Variants in STAT1 observed in about 807,000 individuals in gnomAD.
The protein encoded by STAT1 is signal transducer and activator of transcription 1, also known as signal transducer and activator of transcription 1-alpha/beta.
Under a neutral mutation model 111.7 loss-of-function variants are expected in STAT1, and 24 were observed. The ratio of observed to expected loss-of-function variants is 0.21; its 90% CI spans 0.16 to 0.30. The LOEUF is 0.30. STAT1 is among the 10% of genes least tolerant of loss of function. STAT1 has a pLI of 1.00. For synonymous variants in STAT1, 332 were observed against 326.5 expected, an observed-to-expected ratio of 1.02 and a Z score of -0.18; for missense variants, 351 against 911.9, an observed-to-expected ratio of 0.38 and a Z score of 7.92.
intron 4 of STAT1, chr2:191,008,132 T>C (rs1245572143): frequency 7.8e-6 from 3 of 385,548 alleles, no homozygotes; most frequent in Admixed American, 6.4e-5. Context: ...ATAGCAATAA[T>C]GGCTCTTTAT....
At position 190,986,756 on chromosome 2, in the gene STAT1, G is replaced by T. The variant is rs1435484336; in HGVS notation, c.1221+98C>A. Reference sequence around the variant, plus strand: ...ACAAAGTCTACAAACCCCAGCAGGGGGGCGTCCTCCACATGGCAATGTGCC... The same window carrying T: ...ACAAAGTCTACAAACCCCAGCAGGGTGGCGTCCTCCACATGGCAATGTGCC... On this transcript the variant is annotated intron_variant, in intron 14 of 24. Coordinates refer to ENST00000361099, the MANE Select transcript of STAT1 (RefSeq NM_007315.4). This position sits in a 1 kb window ranked among gnomAD's most constrained non-coding sequence, Gnocchi z 5.0. 5 of 1,174,528 alleles carry T rather than the reference G, an allele frequency of 4.3e-6. No homozygotes were observed. The African/African-American group carries it at 4.5e-5, about 11-fold the overall frequency. The allele number at this position is 1,174,528 out of a possible 1,614,324, so 72.8% of individuals were successfully genotyped here.
rs1206334334 is a variant in STAT1 at position 190,998,828 on chromosome 2, A to T, written c.542-520T>A. Among the ~76,000 whole-genome samples, 6 of 151,838 alleles carry T rather than the reference A, an allele frequency of 4.0e-5. No individual in the cohort carries two copies. Among genetic ancestry groups the T allele is most frequent in the African/African-American group, 1.2e-4 (5 of 41,358 alleles). On this transcript the variant is annotated intron_variant, in intron 7 of 24. Transcript: ENST00000361099. The surrounding 1 kb of genome is among the most constrained non-coding windows in gnomAD (Gnocchi z 4.1). ...TTATTATTATTATAAAAATAAATGT[A>T]AATAATAAAATGTTTTATCTGAACA...
chr2:190,981,059 G>A lies in STAT1; in HGVS notation c.1583-390C>T, dbSNP rs1692352004. 6.6e-6 allele frequency among the ~76,000 whole-genome samples: 1 copy of A among 151,594 alleles called. No homozygotes were observed. The highest frequency in any genetic ancestry group is 1.5e-5 in the Non-Finnish European group (1 of 67,892). The stretch of plus-strand genomic sequence containing the variant: ...CTAAAGAGAGGACAGTCCTTTTAAT[G>A]CCTCTTCATGTTACACTTCCTTCCA... On this transcript the variant is annotated intron_variant, in intron 18 of 24. Transcript: ENST00000361099. The surrounding 1 kb of genome is among the most constrained non-coding windows in gnomAD (Gnocchi z 4.1).
At chr2:190,991,723 AGG>A (rs1693356362) in intron 10 of STAT1, among the ~76,000 whole-genome samples, 1 of 151,106 alleles carries the variant, frequency 6.6e-6, no homozygotes, top group Non-Finnish European at 1.5e-5. Flanking sequence ...TTAATTAGCC[AGG>A]CGTGGCTAAT....
rs144641555 is a variant in STAT1, at chr2:191,007,160, G to T, written c.372+403C>A. 4.6e-5 allele frequency among the ~76,000 whole-genome samples: 7 copies of T among 152,214 alleles called. No homozygotes were observed. The East Asian group carries it at 1.2e-3, about 25-fold the overall frequency. On this transcript the variant is annotated intron_variant, in intron 5 of 24. Coordinates refer to ENST00000361099, the MANE Select transcript of STAT1 (RefSeq NM_007315.4). This position sits in a 1 kb window ranked among gnomAD's most constrained non-coding sequence, Gnocchi z 4.2. ...CCTACCTCCACTGATTCTACTGAGC[G>T]CAAGCTTCCACTGCCTCTACCTTGG...
rs1414129654 is a variant in STAT1 at position 190,998,957 on chromosome 2, C to G, written c.542-649G>C. Among the ~76,000 whole-genome samples, 1 of 152,050 alleles carries G rather than the reference C, an allele frequency of 6.6e-6. No individual in the cohort carries two copies. Among genetic ancestry groups the G allele is most frequent in the Non-Finnish European group, 1.5e-5 (1 of 68,010 alleles). ...GTTGCTGTCTCTTATACTTTCTACC[C>G]AAATCATACTGATAATCTCTGCCTA... On this transcript the variant is annotated intron_variant, in intron 7 of 24. Transcript: ENST00000361099. The surrounding 1 kb of genome is among the most constrained non-coding windows in gnomAD (Gnocchi z 4.1).
intron 3 of STAT1, 73 bp from the exon 4 acceptor site, chr2:191,009,180 G>T: frequency 6.5e-7 from 1 of 1,527,460 alleles, no homozygotes; most frequent in African/African-American, 1.4e-5. Flanking sequence ...ACAAATGTTG[G>T]TTTCCTTATT....
chr2:190,978,048 AAATAG>A lies in STAT1; in HGVS notation c.1873+803_1873+807del. 6.6e-6 allele frequency among the ~76,000 whole-genome samples: 1 copy of A among 152,330 alleles called. No homozygotes were observed. The highest frequency in any genetic ancestry group is 1.5e-5 in the Non-Finnish European group (1 of 68,026). Reference sequence around the variant, plus strand: ...AACAAGAAGAGTATGGCAGAAAAACAAATAGAATAAGAGTATTCCAGAAAAACAGG... The same window carrying A: ...AACAAGAAGAGTATGGCAGAAAAACAAATAAGAGTATTCCAGAAAAACAGG... On this transcript the variant is annotated intron_variant, in intron 21 of 24. Transcript: ENST00000361099. The surrounding 1 kb of genome is among the most constrained non-coding windows in gnomAD (Gnocchi z 6.1).
At chr2:191,011,471 C>T (rs1020612657) in intron 2 of STAT1, among the ~76,000 whole-genome samples, 2 of 152,160 alleles carry the variant, frequency 1.3e-5, no homozygotes, top group Admixed American at 1.3e-4. Flanking sequence ...GGTTGGAGCG[C>T]AGTGGCAGTG....
chr2:190,998,559 G>A lies in STAT1; in HGVS notation c.542-251C>T, dbSNP rs1694016399. Among the ~76,000 whole-genome samples the A allele has an allele frequency of 6.6e-6, 1 of 152,002 alleles. No homozygotes were observed. The highest frequency in any genetic ancestry group is 1.5e-5 in the Non-Finnish European group (1 of 68,000). On this transcript the variant is annotated intron_variant, in intron 7 of 24. Coordinates refer to ENST00000361099, the MANE Select transcript of STAT1 (RefSeq NM_007315.4). This position sits in a 1 kb window ranked among gnomAD's most constrained non-coding sequence, Gnocchi z 4.1. Reference sequence around the variant, plus strand: ...CGCCTGTAGTCCCAGCTACTCGGGAGGCTGAGGCAGGAGAACAGCATGAAC... The same window carrying A: ...CGCCTGTAGTCCCAGCTACTCGGGAAGCTGAGGCAGGAGAACAGCATGAAC...
Position 191,007,774 on chromosome 2 carries a change from T to G in STAT1, c.274-113A>C, listed in dbSNP as rs1022724376. 6 of 742,068 alleles carry G rather than the reference T, an allele frequency of 8.1e-6. No individual in the cohort carries two copies. The African/African-American group carries it at 1.1e-4, about 13-fold the overall frequency. 46.0% of individuals were successfully genotyped at this position (742,068 alleles called of 1,614,324 possible). A position where few individuals can be genotyped will look rare whatever the true frequency, so the allele number is the denominator to read the frequency against. ...ATTCTCCGGGAAACCTCATCTCTCA[T>G]CTATTAAATTCTATATAAGCTATGT... On this transcript the variant is annotated intron_variant, in intron 4 of 24. Transcript: ENST00000361099. This position sits in a 1 kb window ranked among gnomAD's most constrained non-coding sequence, Gnocchi z 4.2.
At chr2:191,013,273 T>C (rs1330079005) in intron 2 of STAT1, among the ~76,000 whole-genome samples, 1 of 152,130 alleles carries the variant, frequency 6.6e-6, no homozygotes, top group East Asian at 1.9e-4. Flanking sequence ...TCTATGAAAA[T>C]AACTCCTTAT....
At position 190,995,593 on chromosome 2, in the gene STAT1, G is replaced by A. The variant is rs557718860; in HGVS notation, c.786-374C>T. Among the ~76,000 whole-genome samples the A allele has an allele frequency of 6.6e-6, 1 of 152,302 alleles. No individual in the cohort carries two copies. Among genetic ancestry groups the A allele is most frequent in the East Asian group, 1.9e-4 (1 of 5,178 alleles). On this transcript the variant is annotated intron_variant, in intron 9 of 24. Transcript: ENST00000361099. The surrounding 1 kb of genome is among the most constrained non-coding windows in gnomAD (Gnocchi z 4.2). The stretch of plus-strand genomic sequence containing the variant: ...CCACCTGGCCCTGCCCTTGACACAT[G>A]GGGATTATTACAATTCAAGGTGAGA...
chr2:190,993,611 C>T lies in STAT1; in HGVS notation c.944+1450G>A. The T allele has an allele frequency of 1.7e-6, 1 of 582,724 alleles. No individual in the cohort carries two copies. Among genetic ancestry groups the T allele is most frequent in the Non-Finnish European group, 3.3e-6 (1 of 298,674 alleles). The allele number at this position is 582,724 out of a possible 1,614,324, so 36.1% of individuals were successfully genotyped here. ...GCTGCCACGGCCACCCTTGCTGCTA[C>T]AGCTGCTGCCCTGACTCTCTGCACC... On this transcript the variant is annotated intron_variant, in intron 10 of 24. Coordinates refer to ENST00000361099, the MANE Select transcript of STAT1 (RefSeq NM_007315.4). The surrounding 1 kb of genome is among the most constrained non-coding windows in gnomAD (Gnocchi z 4.1).
Position 190,986,789 on chromosome 2 carries a change from G to A in STAT1, c.1221+65C>T. On this transcript the variant is annotated intron_variant, in intron 14 of 24. Coordinates refer to ENST00000361099, the MANE Select transcript of STAT1 (RefSeq NM_007315.4). The surrounding 1 kb of genome is among the most constrained non-coding windows in gnomAD (Gnocchi z 5.0). ...TCCACATGGCAATGTGCCAAAAAGG[G>A]CTGCTCTATTGTCAAAAGTCCTAAG... 2 of 1,492,150 alleles carry A rather than the reference G, an allele frequency of 1.3e-6. No individual in the cohort carries two copies. Among genetic ancestry groups the A allele is most frequent in the Non-Finnish European group, 1.9e-6 (2 of 1,069,478 alleles). 92.4% of individuals were successfully genotyped at this position (1,492,150 alleles called of 1,614,324 possible). A position where few individuals can be genotyped will look rare whatever the true frequency, so the allele number is the denominator to read the frequency against.
rs140351189 is a variant in STAT1 at position 190,984,316 on chromosome 2, G to A, written c.1341C>T (p.Asp447=). The A allele has an allele frequency of 6.2e-7, 1 of 1,613,572 alleles. No individual in the cohort carries two copies. Residue 447 remains aspartate (D), a synonymous_variant, in exon 16 of 25, where the codon GAC becomes GAT. Coordinates refer to ENST00000361099, the MANE Select transcript of STAT1 (RefSeq NM_007315.4). This position sits in a 1 kb window ranked among gnomAD's most constrained non-coding sequence, Gnocchi z 5.2. ...TQLCQPGLVI[D]LETTSLPVVV... is the part of the protein sequence containing the mutation. ...GGGACCATAAAAGTCTTACCTCGAG[G>A]TCAATTACCAAACCAGGCTGGCACA...
chr2:190,979,096 A>AG lies in STAT1; in HGVS notation c.1728-96dup, dbSNP rs905893914. On this transcript the variant is annotated intron_variant, in intron 20 of 24. Coordinates refer to ENST00000361099, the MANE Select transcript of STAT1 (RefSeq NM_007315.4). The surrounding 1 kb of genome is among the most constrained non-coding windows in gnomAD (Gnocchi z 5.8). ...AAACCAAGAAAATGGCTGGAATGTG[A>AG]GAAAAAAAACCTACGGTAAAAAACG... The AG allele has an allele frequency of 8.5e-6, 13 of 1,532,938 alleles. No individual in the cohort carries two copies. Among genetic ancestry groups the AG allele is most frequent in the Admixed American group, 3.6e-5 (2 of 55,416 alleles). 95.0% of individuals were successfully genotyped at this position (1,532,938 alleles called of 1,614,324 possible).
rs1377574215 is a variant in STAT1 at position 190,984,556 on chromosome 2, G to A, written c.1264-163C>T. Reference sequence around the variant, plus strand: ...TCTCTCCCAGATTTAATGATTCTTAGTATCTCAGTGTGCTCTGAAAGATAA... The same window carrying A: ...TCTCTCCCAGATTTAATGATTCTTAATATCTCAGTGTGCTCTGAAAGATAA... On this transcript the variant is annotated intron_variant, in intron 15 of 24. Coordinates refer to ENST00000361099, the MANE Select transcript of STAT1 (RefSeq NM_007315.4). The surrounding 1 kb of genome is among the most constrained non-coding windows in gnomAD (Gnocchi z 5.2). Among the ~76,000 whole-genome samples the A allele has an allele frequency of 6.6e-6, 1 of 152,226 alleles. No individual in the cohort carries two copies. Among genetic ancestry groups the A allele is most frequent in the Non-Finnish European group, 1.5e-5 (1 of 68,038 alleles).
chr2:190,987,098 G>A lies in STAT1; in HGVS notation c.1098-30C>T. ...AAAAAAAATATATATAATCACATAT[G>A]CGTATTTAAAATTTGAAATAAGCTT... On this transcript the variant is annotated intron_variant, in intron 12 of 24. Transcript: ENST00000361099. This position sits in a 1 kb window ranked among gnomAD's most constrained non-coding sequence, Gnocchi z 4.0. 1.3e-6 allele frequency: 2 copies of A among 1,541,278 alleles called. No individual in the cohort carries two copies. Among genetic ancestry groups the A allele is most frequent in the East Asian group, 2.3e-5 (1 of 44,376 alleles).
Sources: gnomAD v4.1 joint callset for allele counts (sites outside exome capture counted in the v4.1 genomes callset) on GRCh38, gnomAD v4.1.1 for gene constraint, Gnocchi (gnomAD v3.1) non-coding constraint, MANE v1.5 for transcripts, NCBI Gene and HGNC (gene_info 2026-07-23, HGNC 2026-07-21) for gene names.